Variants in NCALD observed in about 807,000 individuals in gnomAD.
NCALD encodes the protein neurocalcin delta, also known as neurocalcin-delta.
Under a neutral mutation model 18.6 loss-of-function variants are expected in NCALD, and 10 were observed. The observed-to-expected ratio is 0.54, with a 90% CI of 0.33 to 0.91. The LOEUF (loss-of-function observed/expected upper bound fraction) is 0.91. Ranked by LOEUF, NCALD falls within the 40% of genes least tolerant of loss-of-function variation. The probability of loss-of-function intolerance (pLI) is 0.03; values close to 1 mark genes in which losing one functional copy is unlikely to be tolerated. For synonymous variants in NCALD, 88 were observed against 87.4 expected (o/e 1.01, Z -0.04); for missense variants, 184 against 247.6 (o/e 0.74, Z 1.72).
At chr8:101,800,091 T>C (rs1812784068) in intron 4 of NCALD, among the ~76,000 whole-genome samples, 1 of 152,152 alleles carries the variant, frequency 6.6e-6, no homozygotes. Context: ...ACCAAATTTC[T>C]CAAGAGTCAT....
chr8:101,916,331 AT>A (rs2131626926), intron 2 of NCALD, among the ~76,000 whole-genome samples: 1 of 152,288 alleles, frequency 6.6e-6, no homozygotes, highest in African/African-American at 2.4e-5. Flanking sequence ...TGCTAAGGGA[AT>A]TCATTACCAC....
chr8:101,908,176 T>C (rs568934803), intron 3 of NCALD, among the ~76,000 whole-genome samples: 2 of 152,318 alleles, frequency 1.3e-5, no homozygotes, highest in African/African-American at 2.4e-5. Context: ...CAGCCCCGAA[T>C]AGCATGGAAA....
At chr8:101,969,831 T>C (rs1820170483) in intron 2 of NCALD, among the ~76,000 whole-genome samples, 1 of 152,214 alleles carries the variant, frequency 6.6e-6, no homozygotes, top group Non-Finnish European at 1.5e-5. Context: ...GACCTAATAC[T>C]TTACAACTTT....
intron 3 of NCALD, among the ~76,000 whole-genome samples, chr8:101,893,144 A>G (rs1337738539): frequency 6.6e-6 from 1 of 151,942 alleles, no homozygotes; most frequent in East Asian, 1.9e-4. Flanking sequence ...AGGGAAGCCC[A>G]TCAGACTAAC....
At chr8:102,073,323 C>A (rs920685124) in intron 1 of NCALD, among the ~76,000 whole-genome samples, 3 of 151,894 alleles carry the variant, frequency 2.0e-5, no homozygotes, top group Non-Finnish European at 2.9e-5. Context: ...TAAAATATCA[C>A]CCTTTTATAA....
intron 1 of NCALD, among the ~76,000 whole-genome samples, chr8:101,738,238 G>T (rs2130662649): frequency 6.6e-6 from 1 of 152,158 alleles, no homozygotes; most frequent in South Asian, 2.1e-4. Context: ...TACAAAGCTG[G>T]CAAACAATAA....
intron 2 of NCALD, among the ~76,000 whole-genome samples, chr8:101,972,097 G>A (rs1053784762): frequency 6.6e-6 from 1 of 152,170 alleles, no homozygotes; most frequent in African/African-American, 2.4e-5. Context: ...GGAGGAGGAT[G>A]TTGATGAGGA....
At position 101,689,474 on chromosome 8, in the gene NCALD, CT is replaced by C; in HGVS notation, c.485-69del. ...GCATGAGCTTACACCCTTCCCACTACTGCGTGCTGGGCAGTGTCGATTCACC... is the reference window on the plus strand; with the variant it reads ...GCATGAGCTTACACCCTTCCCACTACGCGTGCTGGGCAGTGTCGATTCACC... On this transcript the variant is annotated intron_variant, in intron 3 of 3. Transcript: ENST00000220931. This position sits in a 1 kb window ranked among gnomAD's most constrained non-coding sequence, Gnocchi z 4.4. The C allele has an allele frequency of 5.5e-6, 7 of 1,261,936 alleles. No homozygotes were observed. The highest frequency in any genetic ancestry group is 1.3e-5 in the South Asian group (1 of 76,662). 78.2% of individuals were successfully genotyped at this position (1,261,936 alleles called of 1,614,324 possible). A position where few individuals can be genotyped will look rare whatever the true frequency, so the allele number is the denominator to read the frequency against.
chr8:101,903,619 G>A (rs1328063919), intron 3 of NCALD, among the ~76,000 whole-genome samples: 1 of 152,090 alleles, frequency 6.6e-6, no homozygotes, highest in Non-Finnish European at 1.5e-5. Flanking sequence ...GCTTCCCTGG[G>A]TAGACAGCAC....
intron 1 of NCALD, among the ~76,000 whole-genome samples, chr8:102,066,845 C>T (rs1824025359): frequency 6.6e-6 from 1 of 152,234 alleles, no homozygotes; most frequent in African/African-American, 2.4e-5. Flanking sequence ...CAGCCCCACT[C>T]ATGAAGGAGG....
chr8:102,081,457 C>CT (rs1278160865), intron 1 of NCALD, among the ~76,000 whole-genome samples: 1 of 145,860 alleles, frequency 6.9e-6, no homozygotes, highest in African/African-American at 2.5e-5. Context: ...TAAAAGTATG[C>CT]TGTGGCACAA....
intron 1 of NCALD, among the ~76,000 whole-genome samples, chr8:102,089,869 T>C (rs2132368628): frequency 6.6e-6 from 1 of 152,344 alleles, no homozygotes; most frequent in South Asian, 2.1e-4. Context: ...GTATTCAGTT[T>C]TTCTGTAAAT....
chr8:101,870,781 C>T (rs939587939), intron 4 of NCALD, among the ~76,000 whole-genome samples: 1 of 151,942 alleles, frequency 6.6e-6, no homozygotes, highest in African/African-American at 2.4e-5. Context: ...CACAGGTCAG[C>T]CTCTACAGAG....
At chr8:102,078,463 C>T (rs148573634) in intron 1 of NCALD, among the ~76,000 whole-genome samples, 5 of 152,308 alleles carry the variant, frequency 3.3e-5, no homozygotes, top group South Asian at 2.1e-4. Context: ...CTTTTTATTT[C>T]GCTTAGAAAA....
At chr8:102,004,910 C>A (rs1309058338) in intron 2 of NCALD, among the ~76,000 whole-genome samples, 1 of 152,146 alleles carries the variant, frequency 6.6e-6, no homozygotes, top group Non-Finnish European at 1.5e-5. Flanking sequence ...AACGTTAGAC[C>A]TAAAACCATA....
chr8:101,983,827 T>TG (rs1300154242), intron 2 of NCALD, among the ~76,000 whole-genome samples: 1 of 152,224 alleles, frequency 6.6e-6, no homozygotes, highest in African/African-American at 2.4e-5. Flanking sequence ...TGGGTGGATG[T>TG]GCTCCTCTGT....
At chr8:101,702,319 C>G (rs1215276977) in intron 2 of NCALD, among the ~76,000 whole-genome samples, 1 of 151,854 alleles carries the variant, frequency 6.6e-6, no homozygotes. Context: ...TAGCTTCGGA[C>G]CTCCTGGGCT....
At chr8:101,888,946 C>T (rs1816775549) in intron 3 of NCALD, among the ~76,000 whole-genome samples, 1 of 152,134 alleles carries the variant, frequency 6.6e-6, no homozygotes, top group Non-Finnish European at 1.5e-5. Context: ...TTTTCCCTTA[C>T]AGAATCTTGA....
chr8:102,044,765 T>C (rs1008160463), intron 1 of NCALD, among the ~76,000 whole-genome samples: 13 of 152,134 alleles, frequency 8.5e-5, no homozygotes, highest in Admixed American at 2.6e-4. Flanking sequence ...TAAGAGCATA[T>C]GGTTAAGAGC....
Sources: gnomAD v4.1 joint callset for allele counts (sites outside exome capture counted in the v4.1 genomes callset) on GRCh38, gnomAD v4.1.1 for gene constraint, Gnocchi (gnomAD v3.1) non-coding constraint, MANE v1.5 for transcripts, NCBI Gene and HGNC (gene_info 2026-07-23, HGNC 2026-07-21) for gene names.